Variants in UTP20 observed in about 807,000 individuals in gnomAD.
The protein encoded by UTP20 is small subunit processome component 20 homolog.
Under a neutral mutation model 329.5 loss-of-function variants are expected in UTP20, and 164 were observed. That is an observed-to-expected ratio of 0.50 (90% CI 0.44 to 0.57). UTP20 has a LOEUF of 0.57. UTP20 is among the 20% of genes least tolerant of loss of function. The pLI is 0.00. For missense variants in UTP20, 3,055 were observed against 3,284.2 expected, an observed-to-expected ratio of 0.93 and a Z score of 1.71; for synonymous variants, 1,151 against 1,159.3, an observed-to-expected ratio of 0.99 and a Z score of 0.14.
intron 25 of UTP20, among the ~76,000 whole-genome samples, chr12:101,326,473 A>G (rs1189705800): frequency 6.6e-6 from 1 of 151,968 alleles, no homozygotes; most frequent in Non-Finnish European, 1.5e-5. Context: ...GTGTTTTCCA[A>G]TAAGTATCGG....
At position 101,321,543 on chromosome 12, in the gene UTP20, G is replaced by A; in HGVS notation, c.2955G>A (p.Lys985=). 1 of 1,613,500 alleles carries A rather than the reference G, an allele frequency of 6.2e-7. No individual in the cohort carries two copies. The highest frequency in any genetic ancestry group is 1.3e-5 in the African/African-American group (1 of 75,014). The change falls in exon 25 of 62, where the codon AAG becomes AAA. Residue 985 remains lysine (K), a synonymous_variant. Transcript: ENST00000261637. The stretch of plus-strand genomic sequence containing the variant: ...GGTTGCTTGAAGACAGAAGCTTTAA[G>A]GAAGAGATAGTGCATTTTAGCATTT... ...LQRLLEDRSF[K]EEIVHFSISE...
At chr12:101,355,253 C>A in intron 41 of UTP20, 135 bp downstream of exon 41, 2 of 964,012 alleles carry the variant, frequency 2.1e-6, no homozygotes, top group Non-Finnish European at 1.5e-6. Flanking sequence ...CTTCACAATT[C>A]ACCCCTCTAC....
At chr12:101,324,840 C>CT (rs1868502148) in intron 25 of UTP20, among the ~76,000 whole-genome samples, 1 of 151,950 alleles carries the variant, frequency 6.6e-6, no homozygotes, top group Non-Finnish European at 1.5e-5. Context: ...CAAATCATTC[C>CT]TTTTTTGTAG....
At chr12:101,373,111 A>G in intron 52 of UTP20, 148 bp downstream of exon 52, 1 of 737,094 alleles carries the variant, frequency 1.4e-6, no homozygotes, top group Non-Finnish European at 2.2e-6. Context: ...TGATAATCAG[A>G]CATTGTGCTT....
rs537848442 is a variant in UTP20 at position 101,382,911 on chromosome 12, A to G, written c.7657-130A>G. 213 of 1,140,658 alleles carry G rather than the reference A, an allele frequency of 1.9e-4. 1 individual carries two copies. The African/African-American group carries it at 2.9e-3, about 16-fold the overall frequency. The allele number at this position is 1,140,658 out of a possible 1,614,324, so 70.7% of individuals were successfully genotyped here. A position where few individuals can be genotyped will look rare whatever the true frequency, so the allele number is the denominator to read the frequency against. ...AGCCTTCATCATTTAATAGTTGTTA[A>G]ATAGTTGTAATACCTAGTTTGTTTT... is the stretch of plus-strand genomic sequence containing the variant. On this transcript the variant is annotated intron_variant, in intron 58 of 61. Transcript: ENST00000261637.
Position 101,386,292 on chromosome 12 carries a change from C to CT in UTP20, c.*170dup, listed in dbSNP as rs1255539157. On this transcript the variant is annotated 3_prime_UTR_variant, in exon 62 of 62. Transcript: ENST00000261637. ...TGACGACATCACAGCTCACTGCAGC[C>CT]TCAACCTGGGTTCAAGTGATCCTCT... 5.4e-6 allele frequency: 3 copies of CT among 558,114 alleles called. No homozygotes were observed. The highest frequency in any genetic ancestry group is 9.0e-6 in the Non-Finnish European group (3 of 334,076). 34.6% of individuals were successfully genotyped at this position (558,114 alleles called of 1,614,324 possible). A position where few individuals can be genotyped will look rare whatever the true frequency, so the allele number is the denominator to read the frequency against.
intron 20 of UTP20, 93 bp from the exon 21 acceptor site, chr12:101,311,943 A>G: frequency 6.3e-7 from 1 of 1,579,180 alleles, no homozygotes; most frequent in Non-Finnish European, 8.6e-7. Flanking sequence ...TTCTTTCCTT[A>G]CATTATAGAG....
At chr12:101,367,550 T>C (rs1233955842) in intron 47 of UTP20, among the ~76,000 whole-genome samples, 1 of 152,092 alleles carries the variant, frequency 6.6e-6, no homozygotes, top group Non-Finnish European at 1.5e-5. Flanking sequence ...CTAGCTAAGA[T>C]CCATCAAGAC....
chr12:101,311,302 A>G (rs1020060728), intron 19 of UTP20, among the ~76,000 whole-genome samples: 3 of 152,040 alleles, frequency 2.0e-5, no homozygotes, highest in African/African-American at 4.8e-5. Context: ...GTGAATGTTT[A>G]TTTTGTCTTT....
chr12:101,329,378 C>G lies in UTP20; in HGVS notation c.3346C>G (p.Leu1116Val), dbSNP rs974996772. The G allele has an allele frequency of 6.2e-7, 1 of 1,614,006 alleles. No homozygotes were observed. Among genetic ancestry groups the G allele is most frequent in the African/African-American group, 1.3e-5 (1 of 75,006 alleles). Residue 1116 changes from leucine to valine, a missense_variant, in exon 27 of 62, where the codon CTG (leucine) becomes GTG (valine). Physicochemically the swap from Leu to Val is conservative, Grantham distance 32. This residue lies in a region of UTP20 where 2,445 missense variants were observed against 2,575.5 expected (regional missense o/e 0.95). Coordinates refer to ENST00000261637, the MANE Select transcript of UTP20 (RefSeq NM_014503.3). ...CATTAGTCATCTGATCAGCGCATAC[C>G]TGCCGAAGATTTTGCAGATACTGCT... ...KNISHLISAY[L>V]PKILQILLCM...
At chr12:101,361,359 C>T (rs2120997909) in intron 43 of UTP20, among the ~76,000 whole-genome samples, 1 of 152,182 alleles carries the variant, frequency 6.6e-6, no homozygotes, top group African/African-American at 2.4e-5. Flanking sequence ...CATGGTGGCT[C>T]ACTCCTGTAA....
At chr12:101,361,142 C>G (rs11609516) in intron 43 of UTP20, among the ~76,000 whole-genome samples, 31,559 of 152,052 alleles carry the variant, frequency 0.21, 3,757 homozygotes, top group East Asian at 0.37. Context: ...ATGAGTGAGG[C>G]TTAAATGATT....
chr12:101,315,483 A>G (rs748627980), intron 21 of UTP20, among the ~76,000 whole-genome samples: 1 of 144,196 alleles, frequency 6.9e-6, no homozygotes, highest in African/African-American at 2.5e-5. Context: ...GATTCCGTCT[A>G]AAAAAAAAAA....
chr12:101,314,574 C>T (rs749056493), intron 21 of UTP20, among the ~76,000 whole-genome samples: 3 of 151,332 alleles, frequency 2.0e-5, no homozygotes, highest in Non-Finnish European at 4.4e-5. Context: ...AGGAGAATGG[C>T]GTGAACCCGG....
intron 29 of UTP20, among the ~76,000 whole-genome samples, 192 bp from the exon 30 acceptor site, chr12:101,337,859 C>G (rs1868981746): frequency 6.6e-6 from 1 of 152,102 alleles, no homozygotes; most frequent in South Asian, 2.1e-4. Context: ...ATATAAAGTG[C>G]CTAAGTAATA....
chr12:101,349,154 T>G (rs1232200164), intron 38 of UTP20, among the ~76,000 whole-genome samples: 2 of 152,082 alleles, frequency 1.3e-5, no homozygotes, highest in Non-Finnish European at 1.5e-5. Flanking sequence ...TGTTTGGGGT[T>G]TTTTGTTTTT....
intron 30 of UTP20, 102 bp downstream of exon 30, chr12:101,338,379 T>TA (rs1456453214): frequency 1.7e-5 from 20 of 1,188,238 alleles, no homozygotes; most frequent in Non-Finnish European, 2.3e-5. Flanking sequence ...CTCGAGAGCA[T>TA]ATGCTCAGAA....
intron 38 of UTP20, 72 bp downstream of exon 38, chr12:101,346,660 A>G (rs1457278788): frequency 2.1e-6 from 3 of 1,441,464 alleles, no homozygotes; most frequent in Non-Finnish European, 2.8e-6. Flanking sequence ...ATATACATGG[A>G]GTTGGTGGTG....
Position 101,380,306 on chromosome 12 carries a change from G to GA in UTP20, c.7584+749dup, listed in dbSNP as rs1367459249. ...CATAGGGGGATCACCTGAGCCTGGG[G>GA]AGGTCAAGGTTACAGTGGGCTGTGA... On this transcript the variant is annotated intron_variant, in intron 57 of 61. Transcript: ENST00000261637. Among the ~76,000 whole-genome samples the GA allele has an allele frequency of 3.9e-5, 6 of 152,028 alleles. No individual in the cohort carries two copies. In the East Asian group the frequency reaches 1.2e-3, roughly 30 times the overall value.
Sources: gnomAD v4.1 joint callset for allele counts (sites outside exome capture counted in the v4.1 genomes callset) on GRCh38, gnomAD v4.1.1 for gene constraint, gnomAD v4.1.1 regional missense constraint, MANE v1.5 for transcripts, NCBI Gene and HGNC (gene_info 2026-07-23, HGNC 2026-07-21) for gene names.